The following MACROD2 variants were observed in gnomAD, a reference collection of about 807,000 sequenced individuals.
The protein encoded by MACROD2 is ADP-ribose glycohydrolase MACROD2.
Under a neutral mutation model 70.4 loss-of-function variants are expected in MACROD2, and 36 were observed. The ratio of observed to expected loss-of-function variants is 0.51; its 90% confidence interval spans 0.39 to 0.68. The LOEUF is 0.68. Among genes scored for constraint, MACROD2 ranks in the 30% least tolerant of loss-of-function variants. The pLI, the probability that MACROD2 is intolerant of heterozygous loss-of-function variation, is 0.00. For missense variants in MACROD2, 496 were observed against 538.4 expected (o/e 0.92, Z 0.78); for synonymous variants, 172 against 178.8 (o/e 0.96, Z 0.30).
intron 8 of MACROD2, among the ~76,000 whole-genome samples, chr20:15,617,494 A>G (rs1455579751): frequency 1.3e-5 from 2 of 152,242 alleles, no homozygotes; most frequent in Non-Finnish European, 2.9e-5. Flanking sequence ...TGGTTGCCCT[A>G]TGTTTCAAAA....
At chr20:15,114,063 C>A (rs1271218533) in intron 5 of MACROD2, among the ~76,000 whole-genome samples, 3 of 152,108 alleles carry the variant, frequency 2.0e-5, no homozygotes, top group Non-Finnish European at 4.4e-5. Context: ...CACCGCTATC[C>A]AAGGATTCAT....
At chr20:15,603,438 G>A (rs1013006081) in intron 8 of MACROD2, among the ~76,000 whole-genome samples, 1 of 151,368 alleles carries the variant, frequency 6.6e-6, no homozygotes, top group Non-Finnish European at 1.5e-5. Context: ...AACCCGGGAG[G>A]TGGAGGCTGC....
At chr20:15,286,096 G>A (rs1419370417) in intron 6 of MACROD2, among the ~76,000 whole-genome samples, 2 of 152,114 alleles carry the variant, frequency 1.3e-5, no homozygotes, top group Non-Finnish European at 2.9e-5. Context: ...AAAATGCTGA[G>A]AGAGAAAGGG....
intron 3 of MACROD2, among the ~76,000 whole-genome samples, chr20:14,111,904 C>T (rs575674882): frequency 6.4e-4 from 97 of 152,066 alleles, no homozygotes; most frequent in Non-Finnish European, 1.1e-3. Context: ...TATCTGCACA[C>T]GCATGTTTGT....
chr20:14,059,813 T>A (rs1020823762), intron 2 of MACROD2, among the ~76,000 whole-genome samples: 1 of 152,132 alleles, frequency 6.6e-6, no homozygotes, highest in Non-Finnish European at 1.5e-5. Flanking sequence ...ATGTGATAAG[T>A]GCTATAAAGA....
intron 5 of MACROD2, among the ~76,000 whole-genome samples, chr20:14,768,037 G>A (rs144700284): frequency 0.011 from 1,679 of 152,016 alleles, 31 homozygotes; most frequent in African/African-American, 0.038. Flanking sequence ...CCAGTCTATC[G>A]TTGTTGGACA....
At chr20:15,387,225 A>C (rs1000236793) in intron 6 of MACROD2, among the ~76,000 whole-genome samples, 2 of 152,322 alleles carry the variant, frequency 1.3e-5, no homozygotes, top group East Asian at 3.9e-4. Context: ...TGAGAAGTTA[A>C]TGTTAGCATA....
rs1045728574 is a variant in MACROD2, at chr20:16,041,411, AAT to A, written c.1231+134_1231+135del. On this transcript the variant is annotated intron_variant, in intron 16 of 17. Transcript: ENST00000684519. ...TTAGAACACAGTAAATTTCAAAAACAATTTTGTGCTACAAACTAATAAAAATG... is the reference window on the plus strand; with the variant it reads ...TTAGAACACAGTAAATTTCAAAAACATTTGTGCTACAAACTAATAAAAATG... 73 of 679,866 alleles carry A rather than the reference AAT, an allele frequency of 1.1e-4. No individual in the cohort carries two copies. In the African/African-American group the frequency reaches 1.2e-3, roughly 11 times the overall value. 42.1% of individuals were successfully genotyped at this position (679,866 alleles called of 1,614,324 possible). A position where few individuals can be genotyped will look rare whatever the true frequency, so the allele number is the denominator to read the frequency against.
chr20:15,907,931 G>A (rs934980775), intron 10 of MACROD2, among the ~76,000 whole-genome samples: 1 of 152,156 alleles, frequency 6.6e-6, no homozygotes, highest in Non-Finnish European at 1.5e-5. Flanking sequence ...CAAGCTTTGG[G>A]TTGGTTAACT....
At chr20:15,632,570 A>G (rs557352299) in intron 8 of MACROD2, among the ~76,000 whole-genome samples, 2 of 152,238 alleles carry the variant, frequency 1.3e-5, no homozygotes, top group Non-Finnish European at 2.9e-5. Context: ...TAATTTCCAG[A>G]TATAAAATAA....
intron 3 of MACROD2, among the ~76,000 whole-genome samples, chr20:14,311,956 C>A (rs1328909498): frequency 6.6e-6 from 1 of 152,092 alleles, no homozygotes; most frequent in Admixed American, 6.5e-5. Flanking sequence ...ATAAAATATG[C>A]TCAAATTGCC....
intron 5 of MACROD2, among the ~76,000 whole-genome samples, chr20:15,167,171 C>A (rs1404300923): frequency 6.6e-6 from 1 of 151,514 alleles, no homozygotes; most frequent in African/African-American, 2.4e-5. Context: ...TATACATTAC[C>A]AAAAAAAGTG....
intron 12 of MACROD2, among the ~76,000 whole-genome samples, chr20:15,949,999 A>G (rs936683713): frequency 6.6e-6 from 1 of 152,192 alleles, no homozygotes; most frequent in African/African-American, 2.4e-5. Flanking sequence ...ACTATTTTTA[A>G]GAGTATGTAT....
intron 8 of MACROD2, among the ~76,000 whole-genome samples, chr20:15,715,164 C>A (rs535419393): frequency 6.6e-6 from 1 of 151,954 alleles, no homozygotes; most frequent in East Asian, 1.9e-4. Flanking sequence ...CCATTATGTC[C>A]AAATATTTTA....
chr20:14,076,439 T>C (rs1416446708), intron 2 of MACROD2, among the ~76,000 whole-genome samples: 1 of 151,824 alleles, frequency 6.6e-6, no homozygotes, highest in Non-Finnish European at 1.5e-5. Flanking sequence ...TCACTTGAAC[T>C]CAGGAGTTCA....
chr20:14,571,813 A>G (rs1448886007), intron 4 of MACROD2, among the ~76,000 whole-genome samples: 1 of 152,108 alleles, frequency 6.6e-6, no homozygotes, highest in Non-Finnish European at 1.5e-5. Context: ...GGCTAGTTCT[A>G]CAATTAAGAA....
intron 8 of MACROD2, among the ~76,000 whole-genome samples, chr20:15,598,810 T>G (rs1272434684): frequency 6.6e-6 from 1 of 152,212 alleles, no homozygotes; most frequent in Non-Finnish European, 1.5e-5. Context: ...CAGGACACTC[T>G]GTATTTAAGT....
chr20:14,909,833 G>A (rs1255322617), intron 5 of MACROD2, among the ~76,000 whole-genome samples: 1 of 151,964 alleles, frequency 6.6e-6, no homozygotes, highest in Non-Finnish European at 1.5e-5. Flanking sequence ...TGATCTGTAG[G>A]TATGGGGTGA....
intron 6 of MACROD2, among the ~76,000 whole-genome samples, chr20:15,260,187 G>C (rs1429105261): frequency 6.6e-6 from 1 of 151,314 alleles, no homozygotes; most frequent in Non-Finnish European, 1.5e-5. Context: ...AATAATGATT[G>C]TTAATCATAG....
Sources: allele counts gnomAD v4.1 joint callset (sites outside exome capture counted in the v4.1 genomes callset), GRCh38; gene constraint gnomAD v4.1.1; transcripts MANE v1.5; gene names NCBI Gene and HGNC (gene_info 2026-07-23, HGNC 2026-07-21).